The following THEMIS variants were observed in gnomAD, a reference collection of about 807,000 sequenced individuals.
THEMIS encodes protein THEMIS.
Under a neutral mutation model 52.6 loss-of-function variants are expected in THEMIS, and 37 were observed. That is an observed-to-expected ratio of 0.70 (90% CI 0.54 to 0.93). The LOEUF (loss-of-function observed/expected upper bound fraction) is 0.93. Ranked by LOEUF, THEMIS falls within the 40% of genes least tolerant of loss-of-function variation. The probability of loss-of-function intolerance (pLI) is 0.00; values close to 1 mark genes in which losing one functional copy is unlikely to be tolerated. For missense variants in THEMIS, 808 were observed against 763.1 expected, an observed-to-expected ratio of 1.06 and a Z score of -0.69; for synonymous variants, 292 against 272.7, an observed-to-expected ratio of 1.07 and a Z score of -0.70.
In THEMIS at chr6:127,708,931, G is replaced by A. The variant is rs868430130; in HGVS notation, c.*1054C>T. ...AGCTAACAAATTTTGTACAGAGTAT[G>A]ATCTATGGATGAAGTTCAAGCATTA... On this transcript the variant is annotated 3_prime_UTR_variant, in exon 6 of 6. Coordinates refer to ENST00000368248, the MANE Select transcript of THEMIS (RefSeq NM_001010923.3). 2 of 151,948 alleles carry A rather than the reference G, an allele frequency of 1.3e-5. No individual in the cohort carries two copies. The highest frequency in any genetic ancestry group is 1.3e-4 in the Admixed American group (2 of 15,244). 9.4% of individuals were successfully genotyped at this position (151,948 alleles called of 1,614,324 possible).
chr6:127,850,484 C>T (rs1779382104), intron 2 of THEMIS, among the ~76,000 whole-genome samples: 1 of 151,820 alleles, frequency 6.6e-6, no homozygotes, highest in African/African-American at 2.4e-5. Context: ...ATGGAACTGA[C>T]CTAACTGTCC....
intron 2 of THEMIS, among the ~76,000 whole-genome samples, chr6:127,841,827 C>A (rs948503559): frequency 6.6e-6 from 1 of 151,968 alleles, no homozygotes; most frequent in South Asian, 2.1e-4. Flanking sequence ...ACAAAATACC[C>A]CTTTTTGTCA....
At chr6:127,711,690 G>A (rs1342120143) in intron 5 of THEMIS, among the ~76,000 whole-genome samples, 1 of 151,978 alleles carries the variant, frequency 6.6e-6, no homozygotes, top group African/African-American at 2.4e-5. Context: ...AGATTTTTAG[G>A]CAGTATGCCC....
chr6:127,774,245 G>A (rs1400423444), intron 4 of THEMIS, among the ~76,000 whole-genome samples: 4 of 152,044 alleles, frequency 2.6e-5, no homozygotes, highest in Non-Finnish European at 5.9e-5. Flanking sequence ...TCGCTCTGTC[G>A]CCCAGGCTGG....
intron 4 of THEMIS, among the ~76,000 whole-genome samples, chr6:127,724,420 G>C (rs551530421): frequency 2.0e-5 from 3 of 152,086 alleles, no homozygotes; most frequent in Admixed American, 6.6e-5. Flanking sequence ...ACAACAACTG[G>C]AGAAATAAAA....
chr6:127,864,844 G>T (rs889069856), intron 1 of THEMIS, among the ~76,000 whole-genome samples: 1 of 152,162 alleles, frequency 6.6e-6, no homozygotes, highest in East Asian at 1.9e-4. Context: ...AGTCAGAAAA[G>T]CTGTTATACT....
intron 4 of THEMIS, among the ~76,000 whole-genome samples, chr6:127,734,528 A>T (rs1241379847): frequency 6.6e-6 from 1 of 152,212 alleles, no homozygotes; most frequent in East Asian, 1.9e-4. Flanking sequence ...CGTTTGGTCT[A>T]AGTCTTGAAA....
At chr6:127,703,376 C>A (rs1278392637), downstream of THEMIS, among the ~76,000 whole-genome samples, 1 of 152,072 alleles carries the variant, frequency 6.6e-6, no homozygotes, top group Non-Finnish European at 1.5e-5. Context: ...CATTGTCAAT[C>A]AAAGATACAA....
chr6:127,791,583 G>T (rs540455912), intron 4 of THEMIS, among the ~76,000 whole-genome samples: 33 of 152,256 alleles, frequency 2.2e-4, no homozygotes, highest in African/African-American at 7.2e-4. Context: ...GCCGTCCCTG[G>T]CCTGAAGATG....
At chr6:127,732,932 ATACAC>A (rs1774861805) in intron 4 of THEMIS, among the ~76,000 whole-genome samples, 1 of 152,102 alleles carries the variant, frequency 6.6e-6, no homozygotes, top group African/African-American at 2.4e-5. Flanking sequence ...TCCCAGAGTA[ATACAC>A]TCTCTACACG....
chr6:127,905,091 T>A (rs1583415237), upstream of THEMIS, among the ~76,000 whole-genome samples: 1 of 151,992 alleles, frequency 6.6e-6, no homozygotes, highest in East Asian at 1.9e-4. Flanking sequence ...TTTTAAGAGA[T>A]AATAGCTGAA....
At chr6:127,811,256 T>C (rs1777897617) in intron 4 of THEMIS, among the ~76,000 whole-genome samples, 1 of 152,204 alleles carries the variant, frequency 6.6e-6, no homozygotes, top group South Asian at 2.1e-4. Context: ...TACAGTCCTA[T>C]AGGTTAGTAG....
At chr6:127,842,426 C>G (rs1472088533) in intron 2 of THEMIS, among the ~76,000 whole-genome samples, 1 of 151,948 alleles carries the variant, frequency 6.6e-6, no homozygotes, top group Non-Finnish European at 1.5e-5. Flanking sequence ...AGCCATTTAG[C>G]CTTAATTAAT....
In THEMIS at chr6:127,757,057, A is replaced by C. The variant is rs9986653; in HGVS notation, c.1759-37234T>G. Among the ~76,000 whole-genome samples, 229 of 152,340 alleles carry C rather than the reference A, an allele frequency of 1.5e-3. 1 individual carries two copies. Among genetic ancestry groups the C allele is most frequent in the African/African-American group, 4.9e-3 (204 of 41,578 alleles). ...TTTCAGTAGAACTTTCTCTGACGAT[A>C]AAAATGTTCTATATCTGTTTCTCCA... is the stretch of plus-strand genomic sequence containing the variant. On this transcript the variant is annotated intron_variant, in intron 4 of 5. Coordinates refer to ENST00000368248, the MANE Select transcript of THEMIS (RefSeq NM_001010923.3).
intron 1 of THEMIS, among the ~76,000 whole-genome samples, chr6:127,898,136 G>C (rs982656013): frequency 1.3e-5 from 2 of 151,652 alleles, no homozygotes; most frequent in Non-Finnish European, 3.0e-5. Flanking sequence ...CACAGGATAG[G>C]GCTTCTGGAA....
At chr6:127,743,401 T>C (rs1775275597) in intron 4 of THEMIS, among the ~76,000 whole-genome samples, 1 of 152,134 alleles carries the variant, frequency 6.6e-6, no homozygotes, top group Admixed American at 6.6e-5. Context: ...CAGATGTGAA[T>C]GAAATGAAGG....
chr6:127,819,221 G>T (rs1004505901), intron 3 of THEMIS, among the ~76,000 whole-genome samples: 1 of 149,940 alleles, frequency 6.7e-6, no homozygotes, highest in Admixed American at 6.6e-5. Flanking sequence ...GCACTGCTGA[G>T]GAAAGAATCA....
In THEMIS at chr6:127,796,273, G is replaced by A. The variant is rs1376653873; in HGVS notation, c.1758+16610C>T. Among the ~76,000 whole-genome samples the A allele has an allele frequency of 2.0e-5, 3 of 152,106 alleles. No individual in the cohort carries two copies. The East Asian group carries it at 5.8e-4, about 29-fold the overall frequency. ...ATGAAAAACCTTGAAGTGGGTTAAG[G>A]TTTAGAGTTAAGGGCCATCAGAAAT... On this transcript the variant is annotated intron_variant, in intron 4 of 5. Coordinates refer to ENST00000368248, the MANE Select transcript of THEMIS (RefSeq NM_001010923.3).
intron 1 of THEMIS, among the ~76,000 whole-genome samples, chr6:127,889,367 T>C (rs1357242261): frequency 6.6e-6 from 1 of 152,132 alleles, no homozygotes; most frequent in Non-Finnish European, 1.5e-5. Context: ...TCTTTGGTTA[T>C]AAACTGCTCA....
Sources: gnomAD v4.1 joint callset for allele counts (sites outside exome capture counted in the v4.1 genomes callset) on GRCh38, gnomAD v4.1.1 for gene constraint, MANE v1.5 for transcripts, NCBI Gene and HGNC (gene_info 2026-07-23, HGNC 2026-07-21) for gene names.